ABR: variants seen among roughly 807,000 people sequenced by gnomAD.
ABR encodes ABR activator of RhoGEF and GTPase, also known as active breakpoint cluster region-related protein.
ABR carries 35 observed loss-of-function variants against 107.2 expected under a neutral mutation model. The ratio of observed to expected loss-of-function variants is 0.33; its 90% CI spans 0.25 to 0.43. ABR has a LOEUF of 0.43. Ranked by LOEUF, ABR falls within the 20% of genes least tolerant of loss-of-function variation. The pLI is 1.00. For missense variants in ABR, 815 were observed against 1,115.2 expected (o/e 0.73, Z 3.83); for synonymous variants, 498 against 462.0 (o/e 1.08, Z -1.00).
chr17:1,036,064 G>T (rs117316367), intron 16 of ABR, among the ~76,000 whole-genome samples: 1 of 152,198 alleles, frequency 6.6e-6, no homozygotes, highest in African/African-American at 2.4e-5. Flanking sequence ...CCAGGAGGAA[G>T]GTTCTGCCTC....
At chr17:1,132,080 C>T (rs527727159) in intron 1 of ABR, among the ~76,000 whole-genome samples, 12 of 152,146 alleles carry the variant, frequency 7.9e-5, no homozygotes, top group Admixed American at 2.0e-4. Flanking sequence ...TTGCTGGGCG[C>T]GGTGGCTCAC....
At position 1,014,440 on chromosome 17, in the gene ABR, C is replaced by CA. The variant is rs1037414938; in HGVS notation, c.1792-1277dup. On this transcript the variant is annotated intron_variant, in intron 16 of 22. Coordinates refer to ENST00000302538, the MANE Select transcript of ABR (RefSeq NM_021962.5). ...TGGGCGACAGAGCGAGACTCCGTCTCAAAAAAAAAGAAAAAACATCTAAAC... is the reference window on the plus strand; with the variant it reads ...TGGGCGACAGAGCGAGACTCCGTCTCAAAAAAAAAAGAAAAAACATCTAAAC... Among the ~76,000 whole-genome samples, 172 of 145,204 alleles carry CA rather than the reference C, an allele frequency of 1.2e-3. 2 individuals carry two copies. Among genetic ancestry groups the CA allele is most frequent in the Non-Finnish European group, 4.4e-4 (29 of 66,064 alleles).
chr17:1,094,520 A>G (rs2260884), intron 3 of ABR, among the ~76,000 whole-genome samples: 118,682 of 151,726 alleles, frequency 0.78, 46,483 homozygotes, highest in East Asian at 0.9. Flanking sequence ...ACAGGTGTCC[A>G]CCACCCCGCC....
At position 1,148,505 on chromosome 17, in the gene ABR, C is replaced by T. The variant is rs892688364; in HGVS notation, c.62-23138G>A. On this transcript the variant is annotated intron_variant, in intron 1 of 22. Coordinates refer to ENST00000302538, the MANE Select transcript of ABR (RefSeq NM_021962.5). The surrounding 1 kb of genome is among the most constrained non-coding windows in gnomAD (Gnocchi z 4.9). Reference sequence around the variant, plus strand: ...CCCCGGGCATGGACCGGCACCAGTCCGTGGCCTGTTGGGAACCAGGATGCA... The same window carrying T: ...CCCCGGGCATGGACCGGCACCAGTCTGTGGCCTGTTGGGAACCAGGATGCA... 2.6e-5 allele frequency among the ~76,000 whole-genome samples: 4 copies of T among 152,220 alleles called. No individual in the cohort carries two copies. The highest frequency in any genetic ancestry group is 2.9e-5 in the Non-Finnish European group (2 of 68,042).
chr17:1,006,116 G>C lies in ABR; in HGVS notation c.2544C>G (p.Leu848=). Residue 848 remains leucine, a synonymous_variant, in exon 23 of 23, where the codon CTC becomes CTG. Coordinates refer to ENST00000302538, the MANE Select transcript of ABR (RefSeq NM_021962.5). ...LQHPPISFAE[L]KRNTLYFSTD... Reference sequence around the variant, plus strand: ...TGGAGAAGTACAGTGTGTTCCGCTTGAGTTCTGCGAAGGAAATGGGGGGGT... The same window carrying C: ...TGGAGAAGTACAGTGTGTTCCGCTTCAGTTCTGCGAAGGAAATGGGGGGGT... 6.3e-7 allele frequency: 1 copy of C among 1,586,276 alleles called. No homozygotes were observed. Among genetic ancestry groups the C allele is most frequent in the Non-Finnish European group, 8.6e-7 (1 of 1,166,004 alleles).
At position 1,092,111 on chromosome 17, in the gene ABR, G is replaced by A. The variant is rs1485528767; in HGVS notation, c.346-261C>T. Among the ~76,000 whole-genome samples, 1 of 152,094 alleles carries A rather than the reference G, an allele frequency of 6.6e-6. No individual in the cohort carries two copies. Among genetic ancestry groups the A allele is most frequent in the African/African-American group, 2.4e-5 (1 of 41,418 alleles). ...GTGCCTGGGCTCACTCCCCTACCAC[G>A]CAGCTGAGCTCAGCAGCAGCCTGTA... On this transcript the variant is annotated intron_variant, in intron 3 of 22. Coordinates refer to ENST00000302538, the MANE Select transcript of ABR (RefSeq NM_021962.5). This position sits in a 1 kb window ranked among gnomAD's most constrained non-coding sequence, Gnocchi z 4.6.
chr17:1,175,420 G>A (rs1418243256), intron 1 of ABR, among the ~76,000 whole-genome samples: 2 of 152,106 alleles, frequency 1.3e-5, no homozygotes, highest in Admixed American at 1.3e-4. Context: ...TCAAAAAAAA[G>A]AGAGCCTCAG....
At chr17:1,160,991 G>C (rs548573065) in intron 1 of ABR, among the ~76,000 whole-genome samples, 4 of 152,076 alleles carry the variant, frequency 2.6e-5, no homozygotes, top group Non-Finnish European at 5.9e-5. Context: ...TGAGGGAAGC[G>C]GGCAGGTGTC....
intron 16 of ABR, among the ~76,000 whole-genome samples, chr17:1,044,534 C>G (rs1038611469): frequency 6.6e-6 from 1 of 151,898 alleles, no homozygotes; most frequent in Non-Finnish European, 1.5e-5. Context: ...GCCTGTAATC[C>G]CAGCTACTCG....
At chr17:1,101,734 CTTTTT>C (rs796580737) in intron 2 of ABR, among the ~76,000 whole-genome samples, 2 of 140,846 alleles carry the variant, frequency 1.4e-5, no homozygotes, top group Non-Finnish European at 1.6e-5. Context: ...TTTATTTTTT[CTTTTT>C]TTTTTTTTTT....
At chr17:1,012,821 A>G in intron 17 of ABR, 24 bp from the exon 18 acceptor site, 5 of 1,543,376 alleles carry the variant, frequency 3.2e-6, no homozygotes, top group Non-Finnish European at 4.4e-6. Flanking sequence ...GAGGCAGGTA[A>G]AGATTCCCCA....
At chr17:1,195,064 T>G (rs1403057912) in intron 1 of ABR, among the ~76,000 whole-genome samples, 115 of 141,570 alleles carry the variant, frequency 8.1e-4, no homozygotes, top group Middle Eastern at 7.3e-3. Flanking sequence ...TCCCAGCACT[T>G]TGGGAGGCCG....
chr17:1,096,977 C>A (rs992396125), intron 3 of ABR, among the ~76,000 whole-genome samples: 3 of 151,342 alleles, frequency 2.0e-5, no homozygotes, highest in Non-Finnish European at 3.0e-5. Context: ...AAGGGGGGAA[C>A]CTGCCCCGGG....
chr17:1,229,418 G>A (rs1174674684), exon 1 of ABR, among the ~76,000 whole-genome samples: 1 of 150,654 alleles, frequency 6.6e-6, no homozygotes, highest in Non-Finnish European at 1.5e-5. Context: ...CGGGCTCCCC[G>A]GAGTCTCCGC....
In ABR at chr17:1,014,167, C is replaced by T. The variant is rs912497228; in HGVS notation, c.1792-1003G>A. On this transcript the variant is annotated intron_variant, in intron 16 of 22. Transcript: ENST00000302538. Reference sequence around the variant, plus strand: ...CATTTAAAAACTACACGAGGCCAGGCGTGGCGGCTCACGCCTGTAATCCCA... The same window carrying T: ...CATTTAAAAACTACACGAGGCCAGGTGTGGCGGCTCACGCCTGTAATCCCA... Among the ~76,000 whole-genome samples, 6 of 152,198 alleles carry T rather than the reference C, an allele frequency of 3.9e-5. 1 individual carries two copies. Among genetic ancestry groups the T allele is most frequent in the East Asian group, 3.9e-4 (2 of 5,190 alleles).
chr17:1,122,344 C>T (rs141829913), intron 2 of ABR, among the ~76,000 whole-genome samples: 7 of 152,308 alleles, frequency 4.6e-5, no homozygotes, highest in East Asian at 1.9e-4. Flanking sequence ...AACATTAATC[C>T]GGACATATTT....
chr17:1,169,998 G>T (rs2041648230), intron 1 of ABR, among the ~76,000 whole-genome samples: 2 of 118,602 alleles, frequency 1.7e-5, no homozygotes, highest in South Asian at 5.9e-4. Flanking sequence ...GTGTTTGTGT[G>T]TGTGTGTGTG....
chr17:1,138,582 A>T (rs1053022969), intron 1 of ABR, among the ~76,000 whole-genome samples: 1 of 152,052 alleles, frequency 6.6e-6, no homozygotes, highest in Non-Finnish European at 1.5e-5. Context: ...GGCTCAGATG[A>T]TCCCCCTGCC....
At chr17:1,047,081 C>T (rs2031734681) in intron 16 of ABR, among the ~76,000 whole-genome samples, 1 of 152,250 alleles carries the variant, frequency 6.6e-6, no homozygotes, top group Non-Finnish European at 1.5e-5. Context: ...CGTAGGGCCC[C>T]TTGCTTTCTC....
Sources: allele counts gnomAD v4.1 joint callset (sites outside exome capture counted in the v4.1 genomes callset), GRCh38; gene constraint gnomAD v4.1.1; non-coding constraint Gnocchi (gnomAD v3.1); transcripts MANE v1.5; gene names NCBI Gene and HGNC (gene_info 2026-07-23, HGNC 2026-07-21).